PTK7: variants seen among roughly 807,000 people sequenced by gnomAD.
PTK7 encodes protein tyrosine kinase 7 (inactive).
Under a neutral mutation model 116.6 loss-of-function variants are expected in PTK7, and 39 were observed. The ratio of observed to expected loss-of-function variants is 0.33; its 90% CI spans 0.26 to 0.44. The LOEUF (loss-of-function observed/expected upper bound fraction) is 0.44. Ranked by LOEUF, PTK7 falls within the 20% of genes least tolerant of loss-of-function variation. The probability of loss-of-function intolerance (pLI) is 1.00; values close to 1 mark genes in which losing one functional copy is unlikely to be tolerated. For synonymous variants in PTK7, 546 were observed against 563.6 expected (o/e 0.97, Z 0.44); for missense variants, 1,169 against 1,425.6 (o/e 0.82, Z 2.90).
intron 1 of PTK7, among the ~76,000 whole-genome samples, chr6:43,092,370 T>C (rs1766998838): frequency 2.0e-5 from 3 of 152,056 alleles, no homozygotes; most frequent in Non-Finnish European, 1.5e-5. Flanking sequence ...CTTGCTCTGT[T>C]GCCCAGGCTG....
chr6:43,088,730 T>TAAAG (rs1236643094), intron 1 of PTK7, among the ~76,000 whole-genome samples: 5 of 151,084 alleles, frequency 3.3e-5, no homozygotes, highest in East Asian at 1.9e-4. Flanking sequence ...AATAAATAAA[T>TAAAG]AAAGAGTTAT....
intron 1 of PTK7, among the ~76,000 whole-genome samples, chr6:43,100,970 C>A (rs1767539115): frequency 1.3e-5 from 2 of 152,076 alleles, no homozygotes; most frequent in Non-Finnish European, 1.5e-5. Context: ...CGGTGGCTCA[C>A]GCCTGTAATC....
chr6:43,137,673 T>G (rs1210279735), intron 7 of PTK7, among the ~76,000 whole-genome samples: 1 of 152,234 alleles, frequency 6.6e-6, no homozygotes, highest in Non-Finnish European at 1.5e-5. Context: ...TTCTGAGGAC[T>G]GCGCCTTGGC....
intron 14 of PTK7, chr6:43,144,227 C>T: frequency 3.5e-6 from 2 of 567,744 alleles, no homozygotes; most frequent in Non-Finnish European, 6.3e-6. Context: ...TCTCAGAGGT[C>T]ATAATCAGCT....
At chr6:43,157,358 ATATATATTTTTTTTTTTC>A (rs1264275183) in intron 17 of PTK7, among the ~76,000 whole-genome samples, 332 of 3,732 alleles carry the variant, frequency 0.089, 23 homozygotes, top group African/African-American at 0.22. Context: ...ATATATATAT[ATATATATTTTTTTTTTTC>A]TTTTTTTTTT....
Position 43,139,644 on chromosome 6 carries a change from G to T in PTK7, c.1618+119G>T, listed in dbSNP as rs1770270504. 6.8e-7 allele frequency: 1 copy of T among 1,464,276 alleles called. No homozygotes were observed. Among genetic ancestry groups the T allele is most frequent in the Non-Finnish European group, 9.2e-7 (1 of 1,087,336 alleles). 90.7% of individuals were successfully genotyped at this position (1,464,276 alleles called of 1,614,324 possible). ...GAAATGTGGAGATTAGACAAGCAGT[G>T]CAGGGCTGATGTATAGTTTAGTTAG... On this transcript the variant is annotated intron_variant, in intron 10 of 19. Transcript: ENST00000230419. The surrounding 1 kb of genome is among the most constrained non-coding windows in gnomAD (Gnocchi z 4.6).
chr6:43,109,920 G>T (rs967673804), intron 1 of PTK7, among the ~76,000 whole-genome samples: 1 of 150,784 alleles, frequency 6.6e-6, no homozygotes, highest in Non-Finnish European at 1.5e-5. Flanking sequence ...GGATGATCTC[G>T]ATTTCCTGAC....
intron 1 of PTK7, among the ~76,000 whole-genome samples, chr6:43,077,426 G>T (rs1228945366): frequency 2.7e-5 from 4 of 147,954 alleles, no homozygotes; most frequent in Non-Finnish European, 6.0e-5. Flanking sequence ...GGCTTTTCTT[G>T]GGGGGGGGCC....
intron 17 of PTK7, among the ~76,000 whole-genome samples, chr6:43,157,373 T>TATATAAA (rs1771556399): frequency 2.3e-5 from 2 of 87,014 alleles, no homozygotes; most frequent in African/African-American, 5.6e-5. Flanking sequence ...TATTTTTTTT[T>TATATAAA]TTCTTTTTTT....
At chr6:43,123,234 C>T (rs1033408509) in intron 1 of PTK7, among the ~76,000 whole-genome samples, 3 of 152,206 alleles carry the variant, frequency 2.0e-5, no homozygotes, top group Non-Finnish European at 2.9e-5. Context: ...GGATTACAGG[C>T]GTGAGTCACT....
At chr6:43,105,037 G>A (rs947957202) in intron 1 of PTK7, among the ~76,000 whole-genome samples, 9 of 149,976 alleles carry the variant, frequency 6.0e-5, no homozygotes, top group Admixed American at 2.0e-4. Flanking sequence ...GGTCTCGATC[G>A]CCTGACCTTG....
chr6:43,093,090 G>C (rs1767044409), intron 1 of PTK7, among the ~76,000 whole-genome samples: 1 of 151,780 alleles, frequency 6.6e-6, no homozygotes, highest in South Asian at 2.1e-4. Context: ...TATAAGGCAA[G>C]AGATGTTTAC....
At position 43,138,836 on chromosome 6, in the gene PTK7, CCTGT is replaced by C; in HGVS notation, c.1229-6_1229-3del. 3 of 1,597,808 alleles carry C rather than the reference CCTGT, an allele frequency of 1.9e-6. No individual in the cohort carries two copies. The highest frequency in any genetic ancestry group is 2.6e-6 in the Non-Finnish European group (3 of 1,173,154). ...GTGAAGCAGCCTTCACTGTTTCCTT[CCTGT>C]CTGTCTAGCTGTGCCCTCCTGGCTG... On this transcript the variant is annotated splice_polypyrimidine_tract_variant and intron_variant, in intron 7 of 19. Transcript: ENST00000230419.
intron 1 of PTK7, among the ~76,000 whole-genome samples, chr6:43,082,600 A>C (rs1766440226): frequency 1.3e-5 from 2 of 152,216 alleles, no homozygotes; most frequent in Non-Finnish European, 2.9e-5. Flanking sequence ...AACAGTATAA[A>C]TTGGGAGCTG....
At chr6:43,083,844 A>G (rs550189504) in intron 1 of PTK7, among the ~76,000 whole-genome samples, 1 of 152,338 alleles carries the variant, frequency 6.6e-6, no homozygotes, top group African/African-American at 2.4e-5. Context: ...TTAGGTGTGT[A>G]TGTAATTTCT....
chr6:43,146,790 C>A, intron 17 of PTK7, 92 bp downstream of exon 17: 1 of 1,114,656 alleles, frequency 9.0e-7, no homozygotes, highest in Non-Finnish European at 1.3e-6. Context: ...TCTCTATGGG[C>A]CAGGCCCTAT....
At chr6:43,157,927 C>T (rs1430145388) in intron 17 of PTK7, among the ~76,000 whole-genome samples, 2 of 152,032 alleles carry the variant, frequency 1.3e-5, no homozygotes, top group Non-Finnish European at 2.9e-5. Context: ...GGTTTATCCA[C>T]GTTGATCAGG....
intron 1 of PTK7, among the ~76,000 whole-genome samples, chr6:43,099,582 A>G (rs1403348388): frequency 6.6e-6 from 1 of 152,176 alleles, no homozygotes; most frequent in East Asian, 1.9e-4. Context: ...TAGATAGAGC[A>G]GGGAATGGGA....
chr6:43,088,069 GT>G (rs1766754050), intron 1 of PTK7, among the ~76,000 whole-genome samples: 1 of 152,270 alleles, frequency 6.6e-6, no homozygotes, highest in East Asian at 1.9e-4. Flanking sequence ...AGGCCAAGGC[GT>G]GAGGATTGCT....
Sources: allele counts gnomAD v4.1 joint callset (sites outside exome capture counted in the v4.1 genomes callset), GRCh38; gene constraint gnomAD v4.1.1; non-coding constraint Gnocchi (gnomAD v3.1); transcripts MANE v1.5; gene names NCBI Gene and HGNC (gene_info 2026-07-23, HGNC 2026-07-21).